PRKG1: variants seen among roughly 807,000 people sequenced by gnomAD.
The protein encoded by PRKG1 is protein kinase cGMP-dependent 1.
In PRKG1, 35 loss-of-function variants were observed where a neutral mutation model predicts 88.1. The observed-to-expected ratio is 0.40, with a 90% CI of 0.30 to 0.53. The LOEUF (loss-of-function observed/expected upper bound fraction) is 0.53, where lower values mean the gene tolerates loss of function less well. Among genes scored for constraint, PRKG1 ranks in the 20% least tolerant of loss-of-function variants. The pLI is 0.59. For missense variants in PRKG1, 540 were observed against 839.8 expected, an observed-to-expected ratio of 0.64 and a Z score of 4.41; for synonymous variants, 303 against 292.5, an observed-to-expected ratio of 1.04 and a Z score of -0.37.
At chr10:52,188,292 A>G (rs1255000618) in intron 9 of PRKG1, among the ~76,000 whole-genome samples, 2 of 34,902 alleles carry the variant, frequency 5.7e-5, no homozygotes, top group African/African-American at 1.6e-4. Context: ...ATATATGTGT[A>G]TATATATATG....
At chr10:52,121,848 A>C (rs993892090) in intron 7 of PRKG1, among the ~76,000 whole-genome samples, 26 of 152,024 alleles carry the variant, frequency 1.7e-4, no homozygotes, top group African/African-American at 6.0e-4. Flanking sequence ...ATTTCCCTTA[A>C]CACTCTGTTC....
At chr10:51,457,500 C>T (rs150994559) in intron 2 of PRKG1, among the ~76,000 whole-genome samples, 1 of 152,070 alleles carries the variant, frequency 6.6e-6, no homozygotes, top group Non-Finnish European at 1.5e-5. Context: ...GATGGGTGAA[C>T]CAAAATCTCA....
chr10:51,288,902 A>G (rs1349021016), intron 2 of PRKG1, among the ~76,000 whole-genome samples: 2 of 152,108 alleles, frequency 1.3e-5, no homozygotes, highest in South Asian at 2.1e-4. Flanking sequence ...GGGTGTTTCT[A>G]TATTCATGTG....
At chr10:51,285,754 G>A (rs1840423427) in intron 2 of PRKG1, among the ~76,000 whole-genome samples, 1 of 152,138 alleles carries the variant, frequency 6.6e-6, no homozygotes, top group Non-Finnish European at 1.5e-5. Flanking sequence ...ACAAATAGTG[G>A]GAGATGAAAG....
At chr10:51,463,224 A>G (rs1839791963) in intron 2 of PRKG1, among the ~76,000 whole-genome samples, 1 of 152,186 alleles carries the variant, frequency 6.6e-6, no homozygotes, top group Admixed American at 6.5e-5. Flanking sequence ...AATAGATATC[A>G]CATTAATCAA....
intron 1 of PRKG1, among the ~76,000 whole-genome samples, chr10:51,076,819 T>TA (rs1398135189): frequency 6.6e-6 from 1 of 152,154 alleles, no homozygotes; most frequent in Non-Finnish European, 1.5e-5. Flanking sequence ...AATAACATTT[T>TA]ATCTATCATT....
At chr10:52,224,021 C>T (rs1044627192) in intron 9 of PRKG1, among the ~76,000 whole-genome samples, 2 of 152,072 alleles carry the variant, frequency 1.3e-5, no homozygotes, top group African/African-American at 4.8e-5. Context: ...TGCCTGTTTT[C>T]AACCTTGCAG....
At chr10:51,697,165 A>C (rs1841317277) in intron 3 of PRKG1, 1 of 152,764 alleles carries the variant, frequency 6.5e-6, no homozygotes, top group Non-Finnish European at 1.5e-5. Flanking sequence ...TCTGTTTCAA[A>C]AATAATTCTA....
intron 4 of PRKG1, among the ~76,000 whole-genome samples, chr10:51,863,062 A>G (rs767607248): frequency 1.3e-5 from 2 of 151,894 alleles, no homozygotes; most frequent in Non-Finnish European, 1.5e-5. Context: ...ACTCTCTCCC[A>G]TTTCTCTAAT....
intron 2 of PRKG1, among the ~76,000 whole-genome samples, chr10:51,392,755 G>C (rs1267901028): frequency 7.1e-6 from 1 of 140,356 alleles, no homozygotes; most frequent in Non-Finnish European, 1.6e-5. Flanking sequence ...CTGGCCGGGC[G>C]GGGGGCTGAC....
intron 5 of PRKG1, among the ~76,000 whole-genome samples, chr10:52,013,280 G>A (rs141670076): frequency 2.6e-4 from 39 of 152,248 alleles, no homozygotes; most frequent in African/African-American, 7.5e-4. Context: ...TTTGCCAGGC[G>A]TGGTGGTGGA....
chr10:51,049,419 T>C (rs1843534040), intron 1 of PRKG1, among the ~76,000 whole-genome samples: 1 of 152,158 alleles, frequency 6.6e-6, no homozygotes, highest in South Asian at 2.1e-4. Context: ...TAATGCAGAG[T>C]ATTTGAGTAA....
intron 2 of PRKG1, among the ~76,000 whole-genome samples, chr10:51,353,539 A>G (rs1027416844): frequency 2.6e-5 from 4 of 152,222 alleles, no homozygotes; most frequent in Admixed American, 6.6e-5. Flanking sequence ...GCAAACAGGC[A>G]TATGAAAAAG....
At chr10:52,255,991 A>G (rs1841298438) in intron 10 of PRKG1, among the ~76,000 whole-genome samples, 1 of 148,760 alleles carries the variant, frequency 6.7e-6, no homozygotes, top group African/African-American at 2.4e-5. Context: ...CACATTTTAC[A>G]GGAAAGAAGA....
chr10:51,145,986 G>A (rs1008745710), intron 1 of PRKG1, among the ~76,000 whole-genome samples: 4 of 151,984 alleles, frequency 2.6e-5, no homozygotes, highest in South Asian at 2.1e-4. Flanking sequence ...GGCTAACATG[G>A]TGAAACCCCG....
At chr10:51,108,776 G>A (rs1460049365) in intron 1 of PRKG1, among the ~76,000 whole-genome samples, 1 of 152,096 alleles carries the variant, frequency 6.6e-6, no homozygotes, top group Non-Finnish European at 1.5e-5. Flanking sequence ...TAGCTAATGT[G>A]ATAGGCAAGA....
chr10:51,457,754 C>T (rs1372924687), intron 2 of PRKG1, among the ~76,000 whole-genome samples: 3 of 152,150 alleles, frequency 2.0e-5, no homozygotes, highest in East Asian at 1.9e-4. Flanking sequence ...TGATAAAGCT[C>T]TTCTTACGCA....
At position 52,040,167 on chromosome 10, in the gene PRKG1, T is replaced by C. The variant is rs564506095; in HGVS notation, c.763-14317T>C. On this transcript the variant is annotated intron_variant, in intron 5 of 17. Coordinates refer to ENST00000373980, the MANE Select transcript of PRKG1 (RefSeq NM_006258.4). The stretch of plus-strand genomic sequence containing the variant: ...TTTAAACTCCTAAAGAAGTAAAATA[T>C]TGAGTAAATTCTACATACATTTGAC... Among the ~76,000 whole-genome samples the C allele has an allele frequency of 3.3e-5, 5 of 152,342 alleles. No homozygotes were observed. The South Asian group carries it at 8.3e-4, about 25-fold the overall frequency.
intron 2 of PRKG1, among the ~76,000 whole-genome samples, chr10:51,164,174 T>C (rs901925746): frequency 2.0e-5 from 3 of 152,082 alleles, no homozygotes; most frequent in African/African-American, 4.8e-5. Flanking sequence ...ACACCTCACA[T>C]GGCTGGGTAC....
Sources: gnomAD v4.1 joint callset for allele counts (sites outside exome capture counted in the v4.1 genomes callset) on GRCh38, gnomAD v4.1.1 for gene constraint, MANE v1.5 for transcripts, NCBI Gene and HGNC (gene_info 2026-07-23, HGNC 2026-07-21) for gene names.